FAT3: variants seen among roughly 807,000 people sequenced by gnomAD.
FAT3 encodes the protein protocadherin Fat 3.
FAT3 carries 95 observed loss-of-function variants against 310.2 expected under a neutral mutation model. That is an observed-to-expected ratio of 0.31 (90% CI 0.26 to 0.36). The LOEUF is 0.36. Among genes scored for constraint, FAT3 ranks in the 10% least tolerant of loss-of-function variants. FAT3 has a pLI of 1.00. For synonymous variants in FAT3, 2,314 were observed against 2,192.9 expected (o/e 1.06, Z -1.54); for missense variants, 5,408 against 5,715.6 (o/e 0.95, Z 1.74).
At chr11:92,581,583 C>T (rs1418912378) in intron 3 of FAT3, among the ~76,000 whole-genome samples, 5 of 152,126 alleles carry the variant, frequency 3.3e-5, no homozygotes, top group African/African-American at 1.2e-4. Flanking sequence ...TTGGCCTTGA[C>T]TCATTGTTAT....
At chr11:92,293,182 C>A (rs1946742827) in intron 1 of FAT3, among the ~76,000 whole-genome samples, 1 of 151,312 alleles carries the variant, frequency 6.6e-6, no homozygotes, top group South Asian at 2.1e-4. Context: ...CCTCCCTGAG[C>A]CTTTTTGGTT....
intron 6 of FAT3, among the ~76,000 whole-genome samples, chr11:92,767,082 C>G (rs1747486291): frequency 6.6e-6 from 1 of 152,080 alleles, no homozygotes; most frequent in South Asian, 2.1e-4. Context: ...AACCCCATCT[C>G]TACTAAAAAT....
chr11:92,444,808 C>T (rs899593330), intron 2 of FAT3, among the ~76,000 whole-genome samples: 1 of 152,096 alleles, frequency 6.6e-6, no homozygotes, highest in African/African-American at 2.4e-5. Context: ...GACACATCAA[C>T]AGGAAGTTAG....
At chr11:92,721,720 G>A (rs559097149) in intron 4 of FAT3, among the ~76,000 whole-genome samples, 2 of 152,196 alleles carry the variant, frequency 1.3e-5, no homozygotes, top group African/African-American at 4.8e-5. Context: ...CTGAGACTGG[G>A]CAATTTACAA....
At chr11:92,698,184 C>T (rs560279219) in intron 4 of FAT3, among the ~76,000 whole-genome samples, 3 of 152,232 alleles carry the variant, frequency 2.0e-5, no homozygotes, top group East Asian at 1.9e-4. Flanking sequence ...AATGTGTCTA[C>T]GCTTCTAAAA....
intron 22 of FAT3, among the ~76,000 whole-genome samples, chr11:92,878,057 TGC>T (rs1285689759): frequency 1.3e-5 from 2 of 152,200 alleles, no homozygotes; most frequent in Non-Finnish European, 2.9e-5. Context: ...CATGAGCATG[TGC>T]ACATACATGT....
intron 3 of FAT3, among the ~76,000 whole-genome samples, chr11:92,613,414 G>A (rs961462740): frequency 6.6e-6 from 1 of 152,042 alleles, no homozygotes; most frequent in Non-Finnish European, 1.5e-5. Context: ...AAAAAACTAA[G>A]TTTAAAAATA....
chr11:92,379,890 T>C (rs766544772), intron 2 of FAT3, among the ~76,000 whole-genome samples: 1 of 152,122 alleles, frequency 6.6e-6, no homozygotes, highest in Non-Finnish European at 1.5e-5. Flanking sequence ...AATCAGGCCA[T>C]AGTCTGGAAG....
chr11:92,449,392 G>A (rs1951297260), intron 2 of FAT3, among the ~76,000 whole-genome samples: 1 of 152,134 alleles, frequency 6.6e-6, no homozygotes, highest in Non-Finnish European at 1.5e-5. Flanking sequence ...TCTGAGCTCT[G>A]GGAGGGGCAG....
At chr11:92,718,744 T>G (rs1944765318) in intron 4 of FAT3, among the ~76,000 whole-genome samples, 1 of 152,200 alleles carries the variant, frequency 6.6e-6, no homozygotes, top group Non-Finnish European at 1.5e-5. Context: ...ACATAGAAAG[T>G]GATCAGTAAA....
At chr11:92,762,252 A>G in intron 5 of FAT3, 82 bp downstream of exon 5, 1 of 1,372,492 alleles carries the variant, frequency 7.3e-7, no homozygotes, top group Non-Finnish European at 9.9e-7. Context: ...TTTGAGCAAT[A>G]AATCTTTAGA....
chr11:92,355,330 G>T lies in FAT3; in HGVS notation c.3218G>T (p.Gly1073Val). The change falls in exon 2 of 28, where the codon GGA becomes GTA. Residue 1073 changes from glycine (G) to valine (V), a missense_variant. Physicochemically the swap from Gly to Val is moderately radical, Grantham distance 109. Around this residue, in one of 5 missense-constraint regions of FAT3, gnomAD observed 4,588 missense variants for 4,809.8 expected, o/e 0.95. Coordinates refer to ENST00000525166, the MANE Select transcript of FAT3 (RefSeq NM_001367949.2). ...GTGACTGCTCGAGATGAAGACTCCGGAAGGGATGGAGAGATCCAGTACTCC... is the reference window on the plus strand; with the variant it reads ...GTGACTGCTCGAGATGAAGACTCCGTAAGGGATGGAGAGATCCAGTACTCC... ...LQVTARDEDS[G>V]RDGEIQYSIR... is the part of the protein sequence containing the mutation. The T allele has an allele frequency of 1.9e-6, 3 of 1,613,844 alleles. No individual in the cohort carries two copies. Among genetic ancestry groups the T allele is most frequent in the Non-Finnish European group, 2.5e-6 (3 of 1,179,852 alleles).
chr11:92,668,434 C>A (rs1361775464), intron 3 of FAT3, among the ~76,000 whole-genome samples: 1 of 152,072 alleles, frequency 6.6e-6, no homozygotes, highest in Admixed American at 6.5e-5. Context: ...TCCAATAATC[C>A]AGATGGTTCC....
intron 3 of FAT3, among the ~76,000 whole-genome samples, chr11:92,689,309 T>G (rs1943727771): frequency 6.6e-6 from 1 of 152,142 alleles, no homozygotes; most frequent in Non-Finnish European, 1.5e-5. Flanking sequence ...CTTCTTTATT[T>G]TGATTATCCA....
At chr11:92,578,338 G>A (rs563899203) in intron 3 of FAT3, among the ~76,000 whole-genome samples, 1 of 152,158 alleles carries the variant, frequency 6.6e-6, no homozygotes, top group Non-Finnish European at 1.5e-5. Flanking sequence ...AGGGTGGTTT[G>A]CTTATTTTCA....
intron 2 of FAT3, among the ~76,000 whole-genome samples, chr11:92,505,836 T>C (rs1234309726): frequency 1.3e-5 from 2 of 152,118 alleles, no homozygotes; most frequent in Non-Finnish European, 2.9e-5. Context: ...CAACAAATAT[T>C]TATTGTTCGT....
At chr11:92,465,349 T>A (rs955030499) in intron 2 of FAT3, among the ~76,000 whole-genome samples, 1 of 152,194 alleles carries the variant, frequency 6.6e-6, no homozygotes, top group Non-Finnish European at 1.5e-5. Flanking sequence ...GAATTGAGTT[T>A]CCAGGGACTG....
rs1954551203 is a variant in FAT3 at position 92,544,377 on chromosome 11, C to G, written c.3607+19429C>G. ...CTAGAAGGGAATAAGTCAAATGTTTCTAGTATAAAGAAAAGACAAATATTT... is the reference window on the plus strand; with the variant it reads ...CTAGAAGGGAATAAGTCAAATGTTTGTAGTATAAAGAAAAGACAAATATTT... On this transcript the variant is annotated intron_variant, in intron 3 of 27. Transcript: ENST00000525166. 2.6e-5 allele frequency among the ~76,000 whole-genome samples: 4 copies of G among 152,032 alleles called. No homozygotes were observed. The South Asian group carries it at 6.2e-4, about 24-fold the overall frequency.
At chr11:92,616,570 A>C (rs1309212385) in intron 3 of FAT3, among the ~76,000 whole-genome samples, 2 of 152,104 alleles carry the variant, frequency 1.3e-5, no homozygotes, top group Non-Finnish European at 2.9e-5. Flanking sequence ...TCTTCCTAGA[A>C]TCGATGGTCT....
Sources: gnomAD v4.1 joint callset for allele counts (sites outside exome capture counted in the v4.1 genomes callset) on GRCh38, gnomAD v4.1.1 for gene constraint, gnomAD v4.1.1 regional missense constraint, MANE v1.5 for transcripts, NCBI Gene and HGNC (gene_info 2026-07-23, HGNC 2026-07-21) for gene names.